Variants in BZW2 observed in about 807,000 individuals in gnomAD.
The protein encoded by BZW2 is eIF5-mimic protein 1.
Under a neutral mutation model 53.2 loss-of-function variants are expected in BZW2, and 23 were observed. The observed-to-expected ratio is 0.43, with a 90% CI of 0.31 to 0.61. The LOEUF (loss-of-function observed/expected upper bound fraction) is 0.61, where lower values mean the gene tolerates loss of function less well. Ranked by LOEUF, BZW2 falls within the 20% of genes least tolerant of loss-of-function variation. BZW2 has a pLI of 0.09. For missense variants in BZW2, 409 were observed against 503.1 expected (o/e 0.81, Z 1.79); for synonymous variants, 227 against 186.4 (o/e 1.22, Z -1.77).
chr7:16,681,125 A>G (rs1401765518), intron 3 of BZW2, among the ~76,000 whole-genome samples, 176 bp from the exon 4 acceptor site: 1 of 152,110 alleles, frequency 6.6e-6, no homozygotes, highest in African/African-American at 2.4e-5. Context: ...AAAGGAAAAA[A>G]TGTACAGCAA....
At chr7:16,652,175 G>T (rs1212451296) in intron 1 of BZW2, among the ~76,000 whole-genome samples, 1 of 152,106 alleles carries the variant, frequency 6.6e-6, no homozygotes, top group East Asian at 1.9e-4. Flanking sequence ...TTATCTGAAG[G>T]TTAGCTTAGG....
At position 16,704,499 on chromosome 7, in the gene BZW2, A is replaced by T. The variant is rs754968237; in HGVS notation, c.1109-48A>T. On this transcript the variant is annotated intron_variant, in intron 10 of 11. Coordinates refer to ENST00000258761, the MANE Select transcript of BZW2 (RefSeq NM_014038.3). ...CTGTAATACATGAAGTTGTTTTGAA[A>T]CATGACATTTGTATAGTAACTTTGA... 14 of 1,466,106 alleles carry T rather than the reference A, an allele frequency of 9.5e-6. No individual in the cohort carries two copies. The Admixed American group carries it at 1.9e-4, about 20-fold the overall frequency. The allele number at this position is 1,466,106 out of a possible 1,614,324, so 90.8% of individuals were successfully genotyped here.
chr7:16,646,796 G>A (rs1411053378), intron 1 of BZW2, among the ~76,000 whole-genome samples: 1 of 152,180 alleles, frequency 6.6e-6, no homozygotes, highest in African/African-American at 2.4e-5. Context: ...AAGAAAACCT[G>A]ATCGCCCAAT....
Position 16,662,813 on chromosome 7 carries a change from C to T in BZW2, c.-7-2624C>T, listed in dbSNP as rs531974621. Among the ~76,000 whole-genome samples the T allele has an allele frequency of 1.1e-4, 16 of 152,034 alleles. 1 individual carries two copies. The highest frequency in any genetic ancestry group is 7.9e-4 in the Admixed American group (12 of 15,260). ...AGGAGAGAGAAAGAAAAAGAAAGGA[C>T]GGAAAGAAAGAAGAAAAACATCTTT... On this transcript the variant is annotated intron_variant, in intron 1 of 11. Coordinates refer to ENST00000258761, the MANE Select transcript of BZW2 (RefSeq NM_014038.3).
At chr7:16,655,328 A>C (rs1453032802) in intron 1 of BZW2, among the ~76,000 whole-genome samples, 1 of 152,212 alleles carries the variant, frequency 6.6e-6, no homozygotes, top group Admixed American at 6.5e-5. Context: ...AATTACTTTG[A>C]TGGGTAAATG....
At chr7:16,682,699 G>C (rs1337167191) in intron 4 of BZW2, 81 bp from the exon 5 acceptor site, 1 of 738,192 alleles carries the variant, frequency 1.4e-6, no homozygotes, top group Non-Finnish European at 2.1e-6. Context: ...ATAGATCTAT[G>C]GTGTCATTAT....
At chr7:16,686,236 GA>G in intron 6 of BZW2, 196 bp downstream of exon 6, 3 of 749,038 alleles carry the variant, frequency 4.0e-6, no homozygotes, top group Non-Finnish European at 6.2e-6. Context: ...AAGTTTGAAG[GA>G]AAAAATATGC....
At chr7:16,675,707 T>G (rs768008584) in intron 3 of BZW2, among the ~76,000 whole-genome samples, 41 of 152,208 alleles carry the variant, frequency 2.7e-4, no homozygotes, top group Non-Finnish European at 7.3e-5. Flanking sequence ...AGTCTAAGTA[T>G]AACAGCTATC....
intron 1 of BZW2, among the ~76,000 whole-genome samples, chr7:16,649,425 A>T (rs1455144327): frequency 1.3e-5 from 2 of 152,214 alleles, no homozygotes; most frequent in South Asian, 2.1e-4. Flanking sequence ...GAAAGTCTTT[A>T]AATGTTTTGG....
chr7:16,680,085 C>T (rs921287515), intron 3 of BZW2, among the ~76,000 whole-genome samples: 5 of 152,092 alleles, frequency 3.3e-5, no homozygotes, highest in African/African-American at 9.7e-5. Context: ...TAGCAAGCAT[C>T]GGAGTCCATG....
intron 6 of BZW2, chr7:16,687,434 A>G (rs976995908): frequency 2.6e-5 from 4 of 152,202 alleles, no homozygotes; most frequent in African/African-American, 7.2e-5. Context: ...GATTAAGAAA[A>G]TGCTGGGTAT....
intron 1 of BZW2, among the ~76,000 whole-genome samples, chr7:16,662,727 G>C (rs187821438): frequency 1.6e-4 from 24 of 152,072 alleles, no homozygotes; most frequent in African/African-American, 5.8e-4. Flanking sequence ...AGTCACCCTG[G>C]TCAACATAGT....
At chr7:16,699,512 T>G (rs1467651042) in intron 10 of BZW2, among the ~76,000 whole-genome samples, 1 of 152,212 alleles carries the variant, frequency 6.6e-6, no homozygotes, top group South Asian at 2.1e-4. Context: ...GGTCAATTTT[T>G]TCCACTACGG....
chr7:16,646,214 G>T lies in BZW2; in HGVS notation c.-82G>T. On this transcript the variant is annotated 5_prime_UTR_variant, in exon 1 of 12. Transcript: ENST00000258761. ...ATTGTCTGCCGCCACTGCTGCTGCT[G>T]CTGCTGCTGCCGCTGCTGCTGCACG... The T allele has an allele frequency of 2.9e-6, 1 of 344,752 alleles. No individual in the cohort carries two copies. The highest frequency in any genetic ancestry group is 2.1e-5 in the South Asian group (1 of 47,158). 21.4% of individuals were successfully genotyped at this position (344,752 alleles called of 1,614,324 possible).
intron 1 of BZW2, among the ~76,000 whole-genome samples, chr7:16,656,423 A>G (rs1027067961): frequency 9.9e-5 from 15 of 152,086 alleles, no homozygotes; most frequent in Non-Finnish European, 1.5e-4. Context: ...TAGTGATTGT[A>G]TGTTGTCCTT....
At chr7:16,673,208 A>T (rs1409738162) in intron 2 of BZW2, among the ~76,000 whole-genome samples, 1 of 152,026 alleles carries the variant, frequency 6.6e-6, no homozygotes, top group Admixed American at 6.6e-5. Flanking sequence ...GGCCTCCCAA[A>T]GTGCTGGGAT....
intron 6 of BZW2, chr7:16,687,134 T>G (rs1021828212): frequency 6.6e-6 from 1 of 152,212 alleles, no homozygotes; most frequent in Non-Finnish European, 1.5e-5. Context: ...TAACTTCCTT[T>G]GTAATATATC....
chr7:16,646,882 G>A (rs931625161), intron 1 of BZW2, among the ~76,000 whole-genome samples: 10 of 152,170 alleles, frequency 6.6e-5, no homozygotes, highest in Non-Finnish European at 4.4e-5. Flanking sequence ...CCTGTGGGAG[G>A]GGGAAGGAAG....
intron 1 of BZW2, among the ~76,000 whole-genome samples, chr7:16,659,322 G>A (rs898879111): frequency 3.3e-5 from 5 of 152,064 alleles, no homozygotes; most frequent in Non-Finnish European, 7.4e-5. Flanking sequence ...TGTACTGGCT[G>A]AGTGATTTTG....
Sources: allele counts gnomAD v4.1 joint callset (sites outside exome capture counted in the v4.1 genomes callset), GRCh38; gene constraint gnomAD v4.1.1; transcripts MANE v1.5; gene names NCBI Gene and HGNC (gene_info 2026-07-23, HGNC 2026-07-21).